Variants in DLX5 observed in about 807,000 individuals in gnomAD.
DLX5 encodes distal-less homeobox 5.
DLX5 carries 8 observed loss-of-function variants against 27.1 expected under a neutral mutation model. The observed-to-expected ratio is 0.30, with a 90% CI of 0.17 to 0.53. DLX5 has a LOEUF of 0.53. DLX5 is among the 20% of genes least tolerant of loss of function. The pLI is 0.95. For missense variants in DLX5, 339 were observed against 375.1 expected, an observed-to-expected ratio of 0.90 and a Z score of 0.80; for synonymous variants, 178 against 161.9, an observed-to-expected ratio of 1.10 and a Z score of -0.75.
Position 97,022,365 on chromosome 7 carries a change from T to G in DLX5, c.360A>C (p.Lys120Asn), listed in dbSNP as rs752314719. The change falls in exon 2 of 3, where the codon AAA (lysine) becomes AAC (asparagine). Residue 120 changes from lysine to asparagine, a missense_variant. Physicochemically the swap from Lys to Asn is moderately conservative, Grantham distance 94 (BLOSUM62 0). Around this residue, in one of 3 missense-constraint regions of DLX5, gnomAD observed 188 missense variants for 206.1 expected, o/e 0.91. Coordinates refer to ENST00000648378, the MANE Select transcript of DLX5 (RefSeq NM_005221.6). ...RVPSATNQPE[K>N]EVTEPEVRMV... is the part of the protein sequence containing the mutation. ...TTCTCACCTCGGGCTCGGTCACTTC[T>G]TTCTCTAAATAATCAAAACAGACTC... 3 of 1,613,884 alleles carry G rather than the reference T, an allele frequency of 1.9e-6. No homozygotes were observed. The South Asian group carries it at 3.3e-5, about 18-fold the overall frequency.
intron 1 of DLX5, among the ~76,000 whole-genome samples, chr7:97,023,127 C>A (rs2115914440): frequency 6.7e-6 from 1 of 150,028 alleles, no homozygotes; most frequent in East Asian, 2.0e-4. Context: ...TAAAGTTCAG[C>A]AAGAGTCACA....
In DLX5 at chr7:97,020,626, G is replaced by C. The variant is rs998353912; in HGVS notation, c.*110C>G. ...ACATGCAAAAAAAAGCTTTACACAT[G>C]AATCTTTTTCAGTTTTCCGAACTTC... On this transcript the variant is annotated 3_prime_UTR_variant, in exon 3 of 3. Coordinates refer to ENST00000648378, the MANE Select transcript of DLX5 (RefSeq NM_005221.6). 8.8e-7 allele frequency: 1 copy of C among 1,138,090 alleles called. No individual in the cohort carries two copies. Among genetic ancestry groups the C allele is most frequent in the African/African-American group, 1.5e-5 (1 of 64,804 alleles). The allele number at this position is 1,138,090 out of a possible 1,614,324, so 70.5% of individuals were successfully genotyped here. A position where few individuals can be genotyped will look rare whatever the true frequency, so the allele number is the denominator to read the frequency against.
rs1790139403 is a variant in DLX5, at chr7:97,024,384, C to T, written c.240G>A (p.Val80=). The stretch of plus-strand genomic sequence containing the variant: ...CTGGGTAGCTCCCGGCGGAGCCGTT[C>T]ACGCCGTGATACTGATACTGGTAGG... The part of the protein sequence containing the change: ...LNPYQYQYHG[V]NGSAGSYPAK... Residue 80 remains valine, a synonymous_variant, in exon 1 of 3, where the codon GTG becomes GTA. Coordinates refer to ENST00000648378, the MANE Select transcript of DLX5 (RefSeq NM_005221.6). This position sits in a 1 kb window ranked among gnomAD's most constrained non-coding sequence, Gnocchi z 4.6. 2 of 1,614,256 alleles carry T rather than the reference C, an allele frequency of 1.2e-6. No individual in the cohort carries two copies. The highest frequency in any genetic ancestry group is 1.7e-6 in the Non-Finnish European group (2 of 1,180,052).
chr7:97,021,523 TACTCCCTTC>T (rs1790058607), intron 2 of DLX5, among the ~76,000 whole-genome samples: 1 of 152,142 alleles, frequency 6.6e-6, no homozygotes, highest in Non-Finnish European at 1.5e-5. Flanking sequence ...CCTCCCGTCC[TACTCCCTTC>T]ACTCCCTCTG....
At chr7:97,021,475 A>T (rs954837029) in intron 2 of DLX5, among the ~76,000 whole-genome samples, 3 of 151,956 alleles carry the variant, frequency 2.0e-5, no homozygotes, top group African/African-American at 7.2e-5. Flanking sequence ...GGGGCGGGCT[A>T]CGCGCGCCTG....
chr7:97,020,580 T>A lies in DLX5; in HGVS notation c.*156A>T. The A allele has an allele frequency of 1.5e-6, 1 of 680,098 alleles. No individual in the cohort carries two copies. The highest frequency in any genetic ancestry group is 2.2e-6 in the Non-Finnish European group (1 of 460,820). 42.1% of individuals were successfully genotyped at this position (680,098 alleles called of 1,614,324 possible). On this transcript the variant is annotated 3_prime_UTR_variant, in exon 3 of 3. Transcript: ENST00000648378. ...AAGTCCTCTGTAAAAAAAGGGGGGG[T>A]CTTTTGAAATGCAATAACTTACATG...
rs1374073922 is a variant in DLX5 at position 97,020,825 on chromosome 7, T to C, written c.781A>G (p.Thr261Ala). Reference protein sequence around the residue: ...SYLENSASWYTSAASSINSHL... With the variant: ...SYLENSASWYASAASSINSHL... The stretch of plus-strand genomic sequence containing the variant: ...GAATTGATTGAGCTGGCTGCACTTG[T>C]GTACCAGGATGCAGAGTTCTCCAGG... Residue 261 changes from threonine (T) to alanine (A), a missense_variant, in exon 3 of 3, where the codon ACA becomes GCA. This residue lies in a region of DLX5 where 136 missense variants were observed against 130.3 expected (regional missense o/e 1.04). Coordinates refer to ENST00000648378, the MANE Select transcript of DLX5 (RefSeq NM_005221.6). The C allele has an allele frequency of 6.2e-7, 1 of 1,614,056 alleles. No homozygotes were observed. Among genetic ancestry groups the C allele is most frequent in the Non-Finnish European group, 8.5e-7 (1 of 1,179,938 alleles).
At chr7:97,022,494 C>A in intron 1 of DLX5, 125 bp from the exon 2 acceptor site, 1 of 1,507,686 alleles carries the variant, frequency 6.6e-7, no homozygotes, top group Non-Finnish European at 8.8e-7. Context: ...ATATCACCAC[C>A]ACCTTTGCTT....
Position 97,020,590 on chromosome 7 carries a change from T to C in DLX5, c.*146A>G. The C allele has an allele frequency of 1.2e-6, 1 of 812,642 alleles. No homozygotes were observed. The highest frequency in any genetic ancestry group is 1.7e-6 in the Non-Finnish European group (1 of 572,988). The allele number at this position is 812,642 out of a possible 1,614,324, so 50.3% of individuals were successfully genotyped here. The stretch of plus-strand genomic sequence containing the variant: ...TAAAAAAAGGGGGGGTCTTTTGAAA[T>C]GCAATAACTTACATGCAAAAAAAAG... On this transcript the variant is annotated 3_prime_UTR_variant, in exon 3 of 3. Transcript: ENST00000648378.
chr7:97,023,663 C>T (rs1790123979), intron 1 of DLX5, among the ~76,000 whole-genome samples: 1 of 152,100 alleles, frequency 6.6e-6, no homozygotes, highest in African/African-American at 2.4e-5. Context: ...GACCCCTCAG[C>T]AACCCTCCTC....
At chr7:97,021,226 G>A (rs1790049517) in intron 2 of DLX5, among the ~76,000 whole-genome samples, 161 bp from the exon 3 acceptor site, 1 of 152,218 alleles carries the variant, frequency 6.6e-6, no homozygotes, top group East Asian at 1.9e-4. Context: ...TATGCCTTAG[G>A]CAAACCATGG....
At chr7:97,022,396 A>G in intron 1 of DLX5, 27 bp from the exon 2 acceptor site, 1 of 1,611,554 alleles carries the variant, frequency 6.2e-7, no homozygotes, top group Non-Finnish European at 8.5e-7. Context: ...GACTCAGTTA[A>G]AGCTTGTCAC....
chr7:97,024,614 C>T lies in DLX5; in HGVS notation c.10G>A (p.Val4Met), dbSNP rs758818059. 1 of 1,592,316 alleles carries T rather than the reference C, an allele frequency of 6.3e-7. No individual in the cohort carries two copies. Among genetic ancestry groups the T allele is most frequent in the Non-Finnish European group, 8.6e-7 (1 of 1,167,308 alleles). Residue 4 changes from valine (V) to methionine (M), a missense_variant, in exon 1 of 3, where the codon GTG becomes ATG. Transcript: ENST00000648378. This position sits in a 1 kb window ranked among gnomAD's most constrained non-coding sequence, Gnocchi z 4.6. The stretch of plus-strand genomic sequence containing the variant: ...ATGCTGGGGACCCTTCTGTCAAACA[C>T]TCCTGTCATCGCTCACGGGCGGCGG... Reference protein sequence around the residue: MTGVFDRRVPSIRS... With the variant: MTGMFDRRVPSIRS...
Position 97,024,007 on chromosome 7 carries a change from T to TC in DLX5, c.355+261_355+262insG, listed in dbSNP as rs1790131348. On this transcript the variant is annotated intron_variant, in intron 1 of 2. Transcript: ENST00000648378. This position sits in a 1 kb window ranked among gnomAD's most constrained non-coding sequence, Gnocchi z 4.6. ...TAGCCGGCTTCCTGGCCGGGCAAGC[T>TC]GGGAATTCAGCGACTGAAGGGCCTT... is the stretch of plus-strand genomic sequence containing the variant. Among the ~76,000 whole-genome samples the TC allele has an allele frequency of 6.6e-6, 1 of 152,168 alleles. No individual in the cohort carries two copies. Among genetic ancestry groups the TC allele is most frequent in the Non-Finnish European group, 1.5e-5 (1 of 68,032 alleles).
At chr7:97,023,564 A>C (rs1790121629) in intron 1 of DLX5, among the ~76,000 whole-genome samples, 1 of 151,714 alleles carries the variant, frequency 6.6e-6, no homozygotes, top group Admixed American at 6.6e-5. Flanking sequence ...AAACTCTCTA[A>C]GTAAGTTTCA....
intron 1 of DLX5, among the ~76,000 whole-genome samples, chr7:97,023,291 T>A (rs979370583): frequency 1.2e-4 from 18 of 151,642 alleles, no homozygotes; most frequent in Admixed American, 1.2e-3. Flanking sequence ...CAACTCCCCT[T>A]CCTCAAAACT....
chr7:97,022,633 A>G lies in DLX5; in HGVS notation c.356-264T>C. ...CCTACAACACTGCTTTCTCCTTGGC[A>G]TCTGGGATTCAGCTCTTGCGGTCGT... On this transcript the variant is annotated intron_variant, in intron 1 of 2. Transcript: ENST00000648378. The G allele has an allele frequency of 4.1e-6, 4 of 983,320 alleles. No individual in the cohort carries two copies. In the South Asian group the frequency reaches 1.9e-4, roughly 46 times the overall value. 60.9% of individuals were successfully genotyped at this position (983,320 alleles called of 1,614,324 possible).
intron 1 of DLX5, 170 bp from the exon 2 acceptor site, chr7:97,022,539 T>C (rs932264338): frequency 2.0e-6 from 2 of 985,388 alleles, no homozygotes; most frequent in Non-Finnish European, 2.4e-6. Flanking sequence ...CTACCCCAAA[T>C]ATGGAAAAGC....
In DLX5 at chr7:97,024,513, C is replaced by A; in HGVS notation, c.111G>T (p.Leu37Phe). Residue 37 changes from leucine (L) to phenylalanine (F), a missense_variant, in exon 1 of 3, where the codon TTG becomes TTT. Around this residue, in one of 3 missense-constraint regions of DLX5, gnomAD observed 188 missense variants for 206.1 expected, o/e 0.91. Coordinates refer to ENST00000648378, the MANE Select transcript of DLX5 (RefSeq NM_005221.6). The surrounding 1 kb of genome is among the most constrained non-coding windows in gnomAD (Gnocchi z 4.6). ...CAGAATCGGTAGCTGAAGACTCGGG[C>A]AAAGTTGGCGATTCCTGAGACGGAT... ...MHHPSQESPTLPESSATDSDY... is the reference protein window; with the variant it reads ...MHHPSQESPTFPESSATDSDY... 1 of 1,614,206 alleles carries A rather than the reference C, an allele frequency of 6.2e-7. No individual in the cohort carries two copies. Among genetic ancestry groups the A allele is most frequent in the South Asian group, 1.1e-5 (1 of 91,092 alleles).
Sources: gnomAD v4.1 joint callset for allele counts (sites outside exome capture counted in the v4.1 genomes callset) on GRCh38, gnomAD v4.1.1 for gene constraint, gnomAD v4.1.1 regional missense constraint, Gnocchi (gnomAD v3.1) non-coding constraint, MANE v1.5 for transcripts, NCBI Gene and HGNC (gene_info 2026-07-23, HGNC 2026-07-21) for gene names.